The following MUC7 variants were observed in gnomAD, a reference collection of about 807,000 sequenced individuals.
The protein encoded by MUC7 is mucin 7, secreted, also known as mucin-7.
A neutral mutation model predicts 2.5 loss-of-function variants in MUC7; 2 were observed. The ratio of observed to expected loss-of-function variants is 0.81; its 90% CI spans 0.33 to 2.55. MUC7 has a LOEUF of 2.55. MUC7 is among the 30% of genes most tolerant of loss of function. The pLI is 0.11. For synonymous variants in MUC7, 133 were observed against 173.4 expected (o/e 0.77, Z 1.83); for missense variants, 408 against 455.6 (o/e 0.90, Z 0.95).
chr4:70,447,825 C>A (rs908951262), intron 1 of MUC7, among the ~76,000 whole-genome samples: 5 of 152,096 alleles, frequency 3.3e-5, no homozygotes, highest in African/African-American at 1.2e-4. Flanking sequence ...TTTAAATGTA[C>A]AATTAAATTA....
intron 1 of MUC7, among the ~76,000 whole-genome samples, chr4:70,439,880 AT>A (rs1733958708): frequency 6.6e-6 from 1 of 152,112 alleles, no homozygotes; most frequent in East Asian, 1.9e-4. Context: ...TATTTTAGAA[AT>A]TTTTGAAAAG....
intron 1 of MUC7, among the ~76,000 whole-genome samples, chr4:70,456,271 T>C (rs1261402664): frequency 6.6e-6 from 1 of 152,200 alleles, no homozygotes; most frequent in East Asian, 1.9e-4. Flanking sequence ...TTTAATGTAA[T>C]ACCTAAATGT....
intron 1 of MUC7, among the ~76,000 whole-genome samples, chr4:70,458,391 G>A (rs1009667471): frequency 2.0e-5 from 3 of 152,110 alleles, no homozygotes; most frequent in African/African-American, 7.2e-5. Flanking sequence ...TGTTCTAGTA[G>A]TTCTTAAATT....
At position 70,454,691 on chromosome 4, in the gene MUC7, C is replaced by G. The variant is rs372750721; in HGVS notation, c.-92-17524C>G. On this transcript the variant is annotated intron_variant, in intron 1 of 3. Coordinates refer to the MUC7 transcript ENST00000413702. ...GTAGATAGTGGTCGAATTTGGTGTT[C>G]CTGTTGTGGGGGACTATCAGTGGAG... Among the ~76,000 whole-genome samples, 7 of 148,928 alleles carry G rather than the reference C, an allele frequency of 4.7e-5. No homozygotes were observed. The East Asian group carries it at 1.2e-3, about 26-fold the overall frequency.
At position 70,482,165 on chromosome 4, in the gene MUC7, T is replaced by C. The variant is rs945272725; in HGVS notation, c.*287T>C. 1.9e-5 allele frequency: 7 copies of C among 362,758 alleles called. No individual in the cohort carries two copies. The highest frequency in any genetic ancestry group is 8.3e-5 in the African/African-American group (4 of 48,330). The allele number at this position is 362,758 out of a possible 1,614,324, so 22.5% of individuals were successfully genotyped here. ...AAAGTCCTTAGATAAAGAGAGAATA[T>C]TGTATGGGCCATCAACCATTTACTT... On this transcript the variant is annotated 3_prime_UTR_variant, in exon 3 of 3. Coordinates refer to ENST00000304887, the MANE Select transcript of MUC7 (RefSeq NM_152291.3).
upstream of MUC7, among the ~76,000 whole-genome samples, chr4:70,470,070 T>C (rs1377187778): frequency 6.6e-6 from 1 of 152,120 alleles, no homozygotes; most frequent in Non-Finnish European, 1.5e-5. Flanking sequence ...TGGAATACTA[T>C]GCAGCCATAA....
At chr4:70,465,235 C>T (rs1261932160) in intron 1 of MUC7, among the ~76,000 whole-genome samples, 1 of 152,124 alleles carries the variant, frequency 6.6e-6, no homozygotes. Flanking sequence ...ACACAGAAAC[C>T]CCATCTGAAG....
At chr4:70,472,569 T>C (rs938684046) in intron 1 of MUC7, among the ~76,000 whole-genome samples, 1 of 152,202 alleles carries the variant, frequency 6.6e-6, no homozygotes, top group Non-Finnish European at 1.5e-5. Context: ...GGTCAGATTG[T>C]TTTCTTCTTA....
rs1042206700 is a variant in MUC7, at chr4:70,481,935, A to T, written c.*57A>T. On this transcript the variant is annotated 3_prime_UTR_variant, in exon 3 of 3. Transcript: ENST00000304887. ...TACAAGATGTGATTCATGAGTGCAG[A>T]ACTACCACCTTTCTTTTAGCACCAA... is the stretch of plus-strand genomic sequence containing the variant. 1.3e-5 allele frequency: 20 copies of T among 1,549,124 alleles called. No homozygotes were observed. In the Admixed American group the frequency reaches 3.4e-4, roughly 26 times the overall value.
intron 1 of MUC7, among the ~76,000 whole-genome samples, chr4:70,466,764 C>T (rs1207390790): frequency 6.6e-6 from 1 of 152,196 alleles, no homozygotes; most frequent in Non-Finnish European, 1.5e-5. Flanking sequence ...AAAGCAAGTT[C>T]TTAGAGACCT....
chr4:70,477,150 C>G (rs1735028246), intron 2 of MUC7, among the ~76,000 whole-genome samples: 1 of 152,100 alleles, frequency 6.6e-6, no homozygotes, highest in Non-Finnish European at 1.5e-5. Flanking sequence ...TGGCTCACAC[C>G]TGTAATTCCA....
At chr4:70,446,237 T>C (rs906962385) in intron 1 of MUC7, among the ~76,000 whole-genome samples, 1 of 152,212 alleles carries the variant, frequency 6.6e-6, no homozygotes, top group African/African-American at 2.4e-5. Context: ...CAGAAAAGCA[T>C]TCAAGACCTC....
intron 1 of MUC7, among the ~76,000 whole-genome samples, chr4:70,439,173 T>G (rs1733940431): frequency 6.6e-6 from 1 of 152,218 alleles, no homozygotes; most frequent in Admixed American, 6.5e-5. Flanking sequence ...AGATGTCATT[T>G]AAGCTGAATA....
chr4:70,464,676 G>C (rs201176887), intron 1 of MUC7, among the ~76,000 whole-genome samples: 1 of 152,140 alleles, frequency 6.6e-6, no homozygotes, highest in African/African-American at 2.4e-5. Flanking sequence ...CAAAGCCACT[G>C]TAGCCAGATT....
intron 1 of MUC7, among the ~76,000 whole-genome samples, chr4:70,450,922 G>C (rs903467847): frequency 1.3e-5 from 2 of 152,152 alleles, no homozygotes. Context: ...ATGGGGAGGA[G>C]TGATGCCAGC....
chr4:70,445,807 C>T (rs1577901276), intron 1 of MUC7, among the ~76,000 whole-genome samples: 1 of 152,280 alleles, frequency 6.6e-6, no homozygotes, highest in East Asian at 1.9e-4. Context: ...TTGCATATTC[C>T]AGCAATCTGA....
chr4:70,457,211 G>A (rs918029885), intron 1 of MUC7, among the ~76,000 whole-genome samples: 2 of 152,154 alleles, frequency 1.3e-5, no homozygotes, highest in African/African-American at 2.4e-5. Flanking sequence ...GGGAAGCCAA[G>A]GGGGGAGGAC....
chr4:70,453,131 C>G (rs1260545026), intron 1 of MUC7, among the ~76,000 whole-genome samples: 1 of 152,162 alleles, frequency 6.6e-6, no homozygotes, highest in African/African-American at 2.4e-5. Context: ...CCCTTGCTAC[C>G]ACCTATGTTT....
chr4:70,450,017 C>G (rs1417952107), intron 1 of MUC7, among the ~76,000 whole-genome samples: 1 of 152,230 alleles, frequency 6.6e-6, no homozygotes, highest in Non-Finnish European at 1.5e-5. Context: ...GCCAGCCAGG[C>G]CTATGTCCTT....
Sources: allele counts gnomAD v4.1 joint callset (sites outside exome capture counted in the v4.1 genomes callset), GRCh38; gene constraint gnomAD v4.1.1; transcripts MANE v1.5; gene names NCBI Gene and HGNC (gene_info 2026-07-23, HGNC 2026-07-21).